The following ARGLU1 variants were observed in gnomAD, a reference collection of about 807,000 sequenced individuals.
The protein encoded by ARGLU1 is arginine and glutamate rich 1.
In ARGLU1, 9 loss-of-function variants were observed where a neutral mutation model predicts 37.6. The observed-to-expected ratio is 0.24, with a 90% CI of 0.14 to 0.42. The LOEUF is 0.42. ARGLU1 is among the 10% of genes least tolerant of loss of function. ARGLU1 has a pLI of 1.00. For synonymous variants in ARGLU1, 166 were observed against 138.5 expected (o/e 1.20, Z -1.39); for missense variants, 211 against 359.2 (o/e 0.59, Z 3.34).
intron 1 of ARGLU1, among the ~76,000 whole-genome samples, chr13:106,564,342 A>C (rs747062884): frequency 9.9e-5 from 15 of 152,190 alleles, no homozygotes; most frequent in Non-Finnish European, 2.1e-4. Flanking sequence ...AATTTTCACA[A>C]CAAGCAAGAC....
At chr13:106,550,522 T>A (rs1166227448) in intron 3 of ARGLU1, among the ~76,000 whole-genome samples, 1 of 152,216 alleles carries the variant, frequency 6.6e-6, no homozygotes, top group Non-Finnish European at 1.5e-5. Flanking sequence ...GGTGCCTTAT[T>A]TTTCCTAAGT....
chr13:106,562,854 A>ATAAAT (rs34334892), intron 1 of ARGLU1, among the ~76,000 whole-genome samples: 222 of 151,114 alleles, frequency 1.5e-3, no homozygotes, highest in African/African-American at 4.7e-3. Context: ...AAATAAATAA[A>ATAAAT]AAATAAAAAT....
At position 106,567,513 on chromosome 13, in the gene ARGLU1, C is replaced by T; in HGVS notation, c.347+60G>A. On this transcript the variant is annotated intron_variant, in intron 1 of 3. Transcript: ENST00000400198. This position sits in a 1 kb window ranked among gnomAD's most constrained non-coding sequence, Gnocchi z 4.3. ...CCCGCACCGTCCCGCCCCGGCCCCA[C>T]GCCCTCGCCCCGCGCCCTGCTCTCC... The T allele has an allele frequency of 7.2e-6, 9 of 1,255,200 alleles. No individual in the cohort carries two copies. The South Asian group carries it at 8.5e-5, about 12-fold the overall frequency. 77.8% of individuals were successfully genotyped at this position (1,255,200 alleles called of 1,614,324 possible).
chr13:106,544,450 T>C (rs550150497), intron 3 of ARGLU1, among the ~76,000 whole-genome samples: 20 of 152,330 alleles, frequency 1.3e-4, no homozygotes, highest in African/African-American at 4.3e-4. Flanking sequence ...TAATTACATC[T>C]ACATTTTCTG....
intron 1 of ARGLU1, 23 bp from the exon 2 acceptor site, chr13:106,559,680 C>A (rs1305685305): frequency 1.3e-6 from 2 of 1,595,620 alleles, no homozygotes; most frequent in Non-Finnish European, 1.7e-6. Context: ...GTGAAAAAAA[C>A]AAGTTAGGTA....
At chr13:106,560,033 G>A (rs1199714631) in intron 1 of ARGLU1, among the ~76,000 whole-genome samples, 5 of 152,172 alleles carry the variant, frequency 3.3e-5, no homozygotes, top group East Asian at 1.9e-4. Context: ...CAATCACTTC[G>A]TCTGGGGCTG....
chr13:106,554,834 G>A (rs575418030), intron 3 of ARGLU1, among the ~76,000 whole-genome samples: 6 of 150,752 alleles, frequency 4.0e-5, no homozygotes, highest in Non-Finnish European at 7.4e-5. Context: ...GCAGTGAGCC[G>A]AGACTCCGCC....
intron 3 of ARGLU1, among the ~76,000 whole-genome samples, chr13:106,545,484 T>C (rs2138962549): frequency 6.6e-6 from 1 of 152,304 alleles, no homozygotes; most frequent in East Asian, 1.9e-4. Flanking sequence ...TCTGTTCACT[T>C]AAGTCTTTTA....
chr13:106,556,344 A>T (rs1880661067), intron 3 of ARGLU1, among the ~76,000 whole-genome samples: 1 of 152,138 alleles, frequency 6.6e-6, no homozygotes, highest in Admixed American at 6.5e-5. Flanking sequence ...AGAGTACTCT[A>T]TTTTTCAGAA....
intron 3 of ARGLU1, among the ~76,000 whole-genome samples, chr13:106,555,155 C>T (rs1594191344): frequency 6.6e-6 from 1 of 151,786 alleles, no homozygotes; most frequent in South Asian, 2.1e-4. Context: ...GTCAGGAGTT[C>T]GAGACCAGCC....
In ARGLU1 at chr13:106,558,705, CAT is replaced by C. The variant is rs1348740919; in HGVS notation, c.573+725_573+726del. On this transcript the variant is annotated intron_variant, in intron 2 of 3. Transcript: ENST00000400198. Reference sequence around the variant, plus strand: ...TGCTCCAGCTGCTGATAAAACAAATCATGTGTTTAGCTTGACTCCAGACAAGG... The same window carrying C: ...TGCTCCAGCTGCTGATAAAACAAATCGTGTTTAGCTTGACTCCAGACAAGG... 5 of 985,284 alleles carry C rather than the reference CAT, an allele frequency of 5.1e-6. No individual in the cohort carries two copies. In the East Asian group the frequency reaches 4.5e-4, roughly 89 times the overall value. The allele number at this position is 985,284 out of a possible 1,614,324, so 61.0% of individuals were successfully genotyped here. A position where few individuals can be genotyped will look rare whatever the true frequency, so the allele number is the denominator to read the frequency against.
At chr13:106,562,110 A>G (rs1880821905) in intron 1 of ARGLU1, among the ~76,000 whole-genome samples, 1 of 152,244 alleles carries the variant, frequency 6.6e-6, no homozygotes, top group African/African-American at 2.4e-5. Context: ...AGGCATCCCA[A>G]TATGAAAATG....
intron 1 of ARGLU1, among the ~76,000 whole-genome samples, chr13:106,564,426 G>T (rs1880902163): frequency 6.6e-6 from 1 of 152,194 alleles, no homozygotes; most frequent in Non-Finnish European, 1.5e-5. Flanking sequence ...AGAATTATAA[G>T]TGGTAAACCA....
rs530088072 is a variant in ARGLU1 at position 106,557,183 on chromosome 13, T to A, written c.574-52A>T. On this transcript the variant is annotated intron_variant, in intron 2 of 3. Transcript: ENST00000400198. This position sits in a 1 kb window ranked among gnomAD's most constrained non-coding sequence, Gnocchi z 5.0. ...TAGAAAAACAAAATGTTTATTTTTA[T>A]TGATAAATATTTACTAATCTTCCTC... The A allele has an allele frequency of 1.4e-6, 2 of 1,441,664 alleles. No homozygotes were observed. The highest frequency in any genetic ancestry group is 1.9e-6 in the Non-Finnish European group (2 of 1,032,584). The allele number at this position is 1,441,664 out of a possible 1,614,324, so 89.3% of individuals were successfully genotyped here.
At position 106,550,177 on chromosome 13, in the gene ARGLU1, G is replaced by A. The variant is rs567658122; in HGVS notation, c.658-6017C>T. ...TACAACAGACTTTCCCCTGCGTCCC[G>A]GCTTTTTCATACCTCTTCACTCACC... On this transcript the variant is annotated intron_variant, in intron 3 of 3. Coordinates refer to ENST00000400198, the MANE Select transcript of ARGLU1 (RefSeq NM_018011.4). Among the ~76,000 whole-genome samples, 383 of 152,132 alleles carry A rather than the reference G, an allele frequency of 2.5e-3. 2 individuals are homozygous for A. The highest frequency in any genetic ancestry group is 8.8e-3 in the African/African-American group (365 of 41,494).
At position 106,552,976 on chromosome 13, in the gene ARGLU1, G is replaced by A. The variant is rs373225912; in HGVS notation, c.657+4072C>T. Among the ~76,000 whole-genome samples the A allele has an allele frequency of 3.9e-5, 6 of 152,156 alleles. No homozygotes were observed. The South Asian group carries it at 1.2e-3, about 32-fold the overall frequency. On this transcript the variant is annotated intron_variant, in intron 3 of 3. Coordinates refer to ENST00000400198, the MANE Select transcript of ARGLU1 (RefSeq NM_018011.4). Reference sequence around the variant, plus strand: ...CTTAATGATTTTCACATATGGATGAGCTCGTGTGGCTAGGCTAACACATTC... The same window carrying A: ...CTTAATGATTTTCACATATGGATGAACTCGTGTGGCTAGGCTAACACATTC...
rs775108371 is a variant in ARGLU1 at position 106,559,655 on chromosome 13, C to T, written c.350G>A (p.Arg117Gln). Residue 117 changes from arginine (R) to glutamine (Q), a missense_variant and splice_region_variant, in exon 2 of 4, where the codon CGA becomes CAA. Arg to Gln is a conservative substitution (Grantham distance 43). Around this residue, in one of 3 missense-constraint regions of ARGLU1, gnomAD observed 130 missense variants for 179.8 expected, o/e 0.72. Coordinates refer to ENST00000400198, the MANE Select transcript of ARGLU1 (RefSeq NM_018011.4). The part of the protein sequence containing the change: ...KAEFERQRKI[R>Q]QQEIEEKLIE... ...GAGTTTTTCTTCTATTTCTTGCTGT[C>T]GACTAGCAAACAAAGTGAAAAAAAC... 10 of 1,607,258 alleles carry T rather than the reference C, an allele frequency of 6.2e-6. No individual in the cohort carries two copies. Among genetic ancestry groups the T allele is most frequent in the Non-Finnish European group, 8.5e-6 (10 of 1,176,710 alleles).
chr13:106,564,306 TCAC>T (rs1271302272), intron 1 of ARGLU1, among the ~76,000 whole-genome samples: 1 of 152,144 alleles, frequency 6.6e-6, no homozygotes, highest in Non-Finnish European at 1.5e-5. Context: ...ATGCCAAGTA[TCAC>T]CTACTTTAAA....
At chr13:106,558,278 T>C (rs1452757701) in intron 2 of ARGLU1, 3 of 984,150 alleles carry the variant, frequency 3.0e-6, no homozygotes, top group African/African-American at 1.7e-5. Context: ...TTCAATTTTA[T>C]AGTCTGTGAA....
Sources: allele counts gnomAD v4.1 joint callset (sites outside exome capture counted in the v4.1 genomes callset), GRCh38; gene constraint gnomAD v4.1.1; regional missense constraint gnomAD v4.1.1; non-coding constraint Gnocchi (gnomAD v3.1); transcripts MANE v1.5; gene names NCBI Gene and HGNC (gene_info 2026-07-23, HGNC 2026-07-21).